The following FAT2 variants were observed in gnomAD, a reference collection of about 807,000 sequenced individuals.
FAT2 encodes the protein FAT atypical cadherin 2.
In FAT2, 150 loss-of-function variants were observed where a neutral mutation model predicts 295.3. That is an observed-to-expected ratio of 0.51 (90% CI 0.44 to 0.58). The LOEUF (loss-of-function observed/expected upper bound fraction) is 0.58. FAT2 is among the 20% of genes least tolerant of loss of function. The pLI, the probability that FAT2 is intolerant of heterozygous loss-of-function variation, is 0.00. For synonymous variants in FAT2, 2,026 were observed against 2,150.3 expected, an observed-to-expected ratio of 0.94 and a Z score of 1.60; for missense variants, 4,868 against 5,442.7, an observed-to-expected ratio of 0.89 and a Z score of 3.32.
At chr5:151,554,317 C>T (rs1335486043) in intron 5 of FAT2, 45 bp downstream of exon 5, 4 of 1,561,692 alleles carry the variant, frequency 2.6e-6, no homozygotes, top group Non-Finnish European at 2.6e-6. Flanking sequence ...AGGCCACTAA[C>T]CAGCATGCCA....
chr5:151,509,088 G>T (rs991716795), intron 22 of FAT2, among the ~76,000 whole-genome samples: 1 of 152,174 alleles, frequency 6.6e-6, no homozygotes, highest in East Asian at 1.9e-4. Context: ...ACAGTATGAG[G>T]CACAGACAGC....
chr5:151,571,393 C>G (rs1435695395), intron 1 of FAT2, among the ~76,000 whole-genome samples: 1 of 152,226 alleles, frequency 6.6e-6, no homozygotes, highest in African/African-American at 2.4e-5. Flanking sequence ...GCCTCCCAGC[C>G]CTGCCTGCCC....
chr5:151,540,464 C>T, intron 11 of FAT2, 103 bp downstream of exon 11: 1 of 852,142 alleles, frequency 1.2e-6, no homozygotes, highest in South Asian at 1.9e-5. Flanking sequence ...TGTTCTCCTG[C>T]CCCTCAATCT....
intron 8 of FAT2, among the ~76,000 whole-genome samples, 155 bp from the exon 9 acceptor site, chr5:151,549,660 C>T (rs1459216702): frequency 2.6e-5 from 4 of 152,176 alleles, no homozygotes; most frequent in Non-Finnish European, 5.9e-5. Flanking sequence ...TCTATATGCT[C>T]TTTTTCTTCA....
intron 11 of FAT2, among the ~76,000 whole-genome samples, chr5:151,539,153 A>C (rs1414562165): frequency 1.3e-5 from 2 of 152,098 alleles, no homozygotes; most frequent in Admixed American, 1.3e-4. Flanking sequence ...CATTCTCCCC[A>C]AAAAAGCCTC....
In FAT2 at chr5:151,566,355, C is replaced by G. The variant is rs1355788497; in HGVS notation, c.2577G>C (p.Leu859=). 1 of 1,613,992 alleles carries G rather than the reference C, an allele frequency of 6.2e-7. No homozygotes were observed. Among genetic ancestry groups the G allele is most frequent in the Non-Finnish European group, 8.5e-7 (1 of 1,180,014 alleles). The change falls in exon 2 of 24, where the codon CTG becomes CTC. Residue 859 remains leucine (L), a synonymous_variant. Transcript: ENST00000261800. ...GGGAGAACTTCTCTGTGGGACTTAG[C>G]AGGGTGTAGCGAACCCTGCCATTGT... is the stretch of plus-strand genomic sequence containing the variant. ...SEDNGRVRYT[L]LSPTEKFSLH... is the part of the protein sequence containing the mutation.
chr5:151,565,758 G>T lies in FAT2; in HGVS notation c.3174C>A (p.Asp1058Glu), dbSNP rs542235186. ...GTQVIVVAAQ[D>E]DDSGLDGELQ... ...GCTCCCCATCCAAGCCACTGTCATC[G>T]TCCTGGGCAGCCACTACAATCACCT... Residue 1058 changes from aspartate to glutamate, a missense_variant, in exon 2 of 24, where the codon GAC (aspartate) becomes GAA (glutamate). Asp to Glu is a conservative substitution (Grantham distance 45). Transcript: ENST00000261800. 6.2e-7 allele frequency: 1 copy of T among 1,613,466 alleles called. No homozygotes were observed. The highest frequency in any genetic ancestry group is 8.5e-7 in the Non-Finnish European group (1 of 1,179,810).
At chr5:151,557,170 G>A (rs1270941533) in intron 3 of FAT2, among the ~76,000 whole-genome samples, 2 of 152,092 alleles carry the variant, frequency 1.3e-5, no homozygotes, top group South Asian at 2.1e-4. Flanking sequence ...TTGGTTCCTC[G>A]TCACTAAAAT....
Position 151,550,846 on chromosome 5 carries a change from A to G in FAT2, c.4322T>C (p.Ile1441Thr). 1 of 1,613,338 alleles carries G rather than the reference A, an allele frequency of 6.2e-7. No homozygotes were observed. The highest frequency in any genetic ancestry group is 8.5e-7 in the Non-Finnish European group (1 of 1,179,990). Residue 1441 changes from isoleucine to threonine, a missense_variant, in exon 8 of 24, where the codon ATT becomes ACT. Physicochemically the swap from Ile to Thr is moderately conservative, Grantham distance 89. Coordinates refer to ENST00000261800, the MANE Select transcript of FAT2 (RefSeq NM_001447.3). ...CAGAAACTGGGGCCGATGGTGGTTA[A>G]TGTTGGCAATCATGAAGATGTGGAC... ...TQVHIFMIAN[I>T]NHHRPQFLET...
chr5:151,519,282 T>G (rs1265723106), intron 19 of FAT2, among the ~76,000 whole-genome samples: 1 of 152,210 alleles, frequency 6.6e-6, no homozygotes, highest in South Asian at 2.1e-4. Context: ...AGGTGGAAGT[T>G]GCAGTGAGCC....
chr5:151,540,221 T>TG (rs528620230), intron 11 of FAT2, among the ~76,000 whole-genome samples: 81 of 152,296 alleles, frequency 5.3e-4, no homozygotes, highest in Admixed American at 1.7e-3. Context: ...TATATCCCTA[T>TG]GGGGGCCAAG....
At chr5:151,577,708 A>T (rs191541221) in intron 1 of FAT2, among the ~76,000 whole-genome samples, 29 of 151,846 alleles carry the variant, frequency 1.9e-4, no homozygotes, top group African/African-American at 7.1e-4. Context: ...AGGCCCTGAG[A>T]TGGGCAGCAA....
In FAT2 at chr5:151,529,416, A is replaced by G. The variant is rs763650964; in HGVS notation, c.9812-24T>C. The G allele has an allele frequency of 1.3e-5, 21 of 1,608,582 alleles. 1 individual carries two copies. The Middle Eastern group carries it at 5.9e-4, about 45-fold the overall frequency. ...CCCTGAAGAAGCAAGAGGTGACAGC[A>G]GCAATGAGGCAGTTGGGCCCTCAAA... On this transcript the variant is annotated intron_variant, in intron 14 of 23. Transcript: ENST00000261800.
rs114120809 is a variant in FAT2, at chr5:151,536,362, A to G, written c.9193+1431T>C. Among the ~76,000 whole-genome samples, 430 of 152,142 alleles carry G rather than the reference A, an allele frequency of 2.8e-3. 2 individuals are homozygous for G. The highest frequency in any genetic ancestry group is 9.2e-3 in the African/African-American group (382 of 41,514). Reference sequence around the variant, plus strand: ...GGAAGGACAGCATTGTCCCCTATCTACCCAGACAGCTTCCTGCGACACCCT... The same window carrying G: ...GGAAGGACAGCATTGTCCCCTATCTGCCCAGACAGCTTCCTGCGACACCCT... On this transcript the variant is annotated intron_variant, in intron 12 of 23. Transcript: ENST00000261800.
intron 19 of FAT2, among the ~76,000 whole-genome samples, chr5:151,519,651 C>A (rs72798341): frequency 0.15 from 22,198 of 152,162 alleles, 2,084 homozygotes; most frequent in Non-Finnish European, 0.2. Flanking sequence ...TTTCCTTGAT[C>A]TGGGCGTTGG....
Position 151,539,126 on chromosome 5 carries a change from A to G in FAT2, c.9040-1180T>C, listed in dbSNP as rs146958716. 1.6e-3 allele frequency among the ~76,000 whole-genome samples: 245 copies of G among 152,226 alleles called. 1 individual carries two copies. Among genetic ancestry groups the G allele is most frequent in the African/African-American group, 5.7e-3 (237 of 41,534 alleles). On this transcript the variant is annotated intron_variant, in intron 11 of 23. Coordinates refer to ENST00000261800, the MANE Select transcript of FAT2 (RefSeq NM_001447.3). Reference sequence around the variant, plus strand: ...GTTGTAATGATGGCTGAGGGAAAAGAGAAGGAAGGTGACCACCATTCTCCC... The same window carrying G: ...GTTGTAATGATGGCTGAGGGAAAAGGGAAGGAAGGTGACCACCATTCTCCC...
At chr5:151,569,017 T>G (rs1171619202) in intron 1 of FAT2, 66 bp from the exon 2 acceptor site, 1 of 1,432,612 alleles carries the variant, frequency 7.0e-7, no homozygotes, top group African/African-American at 1.4e-5. Context: ...GCTGTGATTC[T>G]TAACTGGAGG....
rs752696409 is a variant in FAT2 at position 151,534,404 on chromosome 5, C to A, written c.9427+5G>T. 1.2e-6 allele frequency: 2 copies of A among 1,600,282 alleles called. No homozygotes were observed. Among genetic ancestry groups the A allele is most frequent in the Non-Finnish European group, 1.7e-6 (2 of 1,170,952 alleles). ...GGAAATGGCCTCAATCCTTCTCAGA[C>A]TCACCTTGGTCGGGATCCCGGGCAA... On this transcript the variant is annotated splice_donor_5th_base_variant and intron_variant, in intron 13 of 23. Transcript: ENST00000261800.
intron 7 of FAT2, 87 bp from the exon 8 acceptor site, chr5:151,550,958 G>T: frequency 2.5e-6 from 3 of 1,184,778 alleles, no homozygotes; most frequent in African/African-American, 1.5e-5. Flanking sequence ...TATCACCCAG[G>T]CCTAGCACAG....
Sources: allele counts gnomAD v4.1 joint callset (sites outside exome capture counted in the v4.1 genomes callset), GRCh38; gene constraint gnomAD v4.1.1; transcripts MANE v1.5; gene names NCBI Gene and HGNC (gene_info 2026-07-23, HGNC 2026-07-21).